Variants in CFAP92 observed in about 807,000 individuals in gnomAD.
The protein encoded by CFAP92 is uncharacterized protein CFAP92.
Under a neutral mutation model 106.3 loss-of-function variants are expected in CFAP92, and 86 were observed. The observed-to-expected ratio is 0.81, with a 90% confidence interval of 0.68 to 0.97. The LOEUF (loss-of-function observed/expected upper bound fraction) is 0.97. CFAP92 is among the 50% of genes least tolerant of loss of function. The probability of loss-of-function intolerance (pLI) is 0.00; values close to 1 mark genes in which losing one functional copy is unlikely to be tolerated. For synonymous variants in CFAP92, 477 were observed against 506.4 expected (o/e 0.94, Z 0.78); for missense variants, 1,204 against 1,283.8 (o/e 0.94, Z 0.95).
rs749535654 is a variant in CFAP92, at chr3:128,910,061, A to G, written c.*238T>C. On this transcript the variant is annotated 3_prime_UTR_variant, in exon 16 of 16. Coordinates refer to ENST00000645291, the MANE Select transcript of CFAP92 (RefSeq NM_001394090.1). ...CAGCTGGTACTGAAGCGGGTGGCCA[A>G]CATCCTCATCAACCTGTATGGCATG... The G allele has an allele frequency of 1.2e-6, 2 of 1,613,988 alleles. No individual in the cohort carries two copies. The highest frequency in any genetic ancestry group is 1.6e-4 in the Middle Eastern group (1 of 6,062).
intron 9 of CFAP92, among the ~76,000 whole-genome samples, chr3:128,958,827 G>T (rs887354743): frequency 2.6e-5 from 4 of 152,162 alleles, no homozygotes; most frequent in Admixed American, 1.3e-4. Context: ...CCTGAGCCCA[G>T]GAGGTTGAGG....
At chr3:129,025,508 TTGGGGCAGCA>T in the CFAP92 span, among the ~76,000 whole-genome samples, 1 of 152,118 alleles carries the variant, frequency 6.6e-6, no homozygotes, top group Non-Finnish European at 1.5e-5. Context: ...CAAGACATGA[TTGGGGCAGCA>T]TGTGTAGTAG....
intron 9 of CFAP92, among the ~76,000 whole-genome samples, chr3:128,961,491 T>G (rs895951259): frequency 2.0e-4 from 16 of 79,392 alleles, no homozygotes; most frequent in Middle Eastern, 0.011. Flanking sequence ...CACCTGGTCC[T>G]GCTTATGGTT....
exon 1 of CFAP92, chr3:129,002,686 T>G: frequency 3.8e-6 from 1 of 262,466 alleles, no homozygotes; most frequent in Non-Finnish European, 7.1e-6. Context: ...TTCTCTCTCC[T>G]TCCTGCCAGG....
chr3:128,915,101 C>G lies in CFAP92; in HGVS notation c.3280+18G>C, dbSNP rs1335311304. 1.3e-6 allele frequency: 2 copies of G among 1,532,910 alleles called. No individual in the cohort carries two copies. Among genetic ancestry groups the G allele is most frequent in the African/African-American group, 2.7e-5 (2 of 72,994 alleles). 95.0% of individuals were successfully genotyped at this position (1,532,910 alleles called of 1,614,324 possible). A position where few individuals can be genotyped will look rare whatever the true frequency, so the allele number is the denominator to read the frequency against. The stretch of plus-strand genomic sequence containing the variant: ...CACGGCATCAGGAGGCCCAGCTTGG[C>G]AAACCCTTGCCTGTTACCTGTTACA... On this transcript the variant is annotated intron_variant, in intron 15 of 15. Transcript: ENST00000645291.
intron 1 of CFAP92, chr3:128,993,577 C>T (rs1046543782): frequency 4.8e-5 from 24 of 496,312 alleles, no homozygotes; most frequent in East Asian, 3.7e-4. Flanking sequence ...ACGAGCAACC[C>T]CGTTTCCTTC....
At chr3:128,954,986 C>T (rs1454917783) in intron 9 of CFAP92, among the ~76,000 whole-genome samples, 1 of 39,990 alleles carries the variant, frequency 2.5e-5, no homozygotes. Context: ...CCCCCCTGCC[C>T]GGCCAGCCGC....
intron 9 of CFAP92, among the ~76,000 whole-genome samples, chr3:128,950,749 C>T (rs886893052): frequency 4.6e-5 from 7 of 152,186 alleles, no homozygotes; most frequent in African/African-American, 1.7e-4. Context: ...ACTGGGGAAG[C>T]CCATGAGGGA....
At chr3:128,971,643 G>A (rs1399660436) in intron 7 of CFAP92, among the ~76,000 whole-genome samples, 1 of 152,256 alleles carries the variant, frequency 6.6e-6, no homozygotes, top group Admixed American at 6.5e-5. Context: ...GTAGTAATAG[G>A]GTGAGGGCCT....
chr3:128,972,163 G>A (rs1376387594), intron 7 of CFAP92, among the ~76,000 whole-genome samples: 1 of 152,024 alleles, frequency 6.6e-6, no homozygotes, highest in African/African-American at 2.4e-5. Flanking sequence ...ATGAATTCCA[G>A]ACTAAAAGTA....
At chr3:128,921,156 T>C (rs1937248078) in intron 12 of CFAP92, among the ~76,000 whole-genome samples, 1 of 152,174 alleles carries the variant, frequency 6.6e-6, no homozygotes, top group Admixed American at 6.5e-5. Flanking sequence ...CCGGACTTCA[T>C]AGTCCCCACA....
the CFAP92 span, among the ~76,000 whole-genome samples, chr3:129,022,509 C>T: frequency 4.6e-3 from 706 of 152,288 alleles, 12 homozygotes; most frequent in East Asian, 0.051. Flanking sequence ...ATTGTATAAG[C>T]CCCTGGGCTG....
At chr3:128,985,089 GA>G (rs1430255625) in intron 4 of CFAP92, among the ~76,000 whole-genome samples, 4 of 152,152 alleles carry the variant, frequency 2.6e-5, no homozygotes, top group Non-Finnish European at 5.9e-5. Context: ...TTTTAATGGG[GA>G]AAAACTTATT....
chr3:128,992,376 A>G (rs560644245), intron 2 of CFAP92, among the ~76,000 whole-genome samples: 4 of 152,074 alleles, frequency 2.6e-5, no homozygotes, highest in Admixed American at 1.3e-4. Flanking sequence ...ATTCTGGCCA[A>G]CATGGTGAAA....
At chr3:128,933,311 G>C (rs899367632) in intron 11 of CFAP92, among the ~76,000 whole-genome samples, 1 of 152,212 alleles carries the variant, frequency 6.6e-6, no homozygotes, top group African/African-American at 2.4e-5. Context: ...CCCACCAGCT[G>C]CCCATCAGGG....
chr3:128,951,477 TA>T (rs1299605085), intron 9 of CFAP92, among the ~76,000 whole-genome samples: 1 of 152,112 alleles, frequency 6.6e-6, no homozygotes, highest in Non-Finnish European at 1.5e-5. Context: ...TTCTACTAAG[TA>T]CAGCTTTAAA....
Position 128,945,136 on chromosome 3 carries a change from G to A in CFAP92, c.2193C>T (p.His731=), listed in dbSNP as rs2107728248. The A allele has an allele frequency of 2.0e-6, 3 of 1,535,998 alleles. No individual in the cohort carries two copies. Among genetic ancestry groups the A allele is most frequent in the African/African-American group, 2.7e-5 (2 of 73,148 alleles). The change falls in exon 10 of 16, where the codon CAC becomes CAT. Residue 731 remains histidine (H), a synonymous_variant. Transcript: ENST00000645291. ...CGGCCAGGCCTTCCAGGATGAAAAG[G>A]TGTGTCTTCCCGTCCAGCAGGTGGA... The part of the protein sequence containing the change: ...TGFHLLDGKT[H]LFILEGLADQ...
chr3:128,960,581 TG>T (rs1941820169), intron 9 of CFAP92, among the ~76,000 whole-genome samples: 1 of 152,216 alleles, frequency 6.6e-6, no homozygotes, highest in Non-Finnish European at 1.5e-5. Flanking sequence ...GGTCACGGAC[TG>T]GGAAGGCAGC....
At position 128,932,817 on chromosome 3, in the gene CFAP92, G is replaced by C; in HGVS notation, c.2634C>G (p.Asp878Glu). 4 of 1,536,264 alleles carry C rather than the reference G, an allele frequency of 2.6e-6. No individual in the cohort carries two copies. Among genetic ancestry groups the C allele is most frequent in the Non-Finnish European group, 2.6e-6 (3 of 1,146,922 alleles). Reference protein sequence around the residue: ...LPPQPAPNLEDYHSRNSTLTL... With the variant: ...LPPQPAPNLEEYHSRNSTLTL... ...TGAGGGTGGAGTTCCGACTGTGGTA[G>C]TCCTCAAGATTGGGGGCAGGCTGAG... The change falls in exon 12 of 16, where the codon GAC becomes GAG. Residue 878 changes from aspartate to glutamate, a missense_variant. By Grantham distance (45) the Asp-to-Glu change is conservative. Coordinates refer to ENST00000645291, the MANE Select transcript of CFAP92 (RefSeq NM_001394090.1).
Sources: gnomAD v4.1 joint callset for allele counts (sites outside exome capture counted in the v4.1 genomes callset) on GRCh38, gnomAD v4.1.1 for gene constraint, MANE v1.5 for transcripts, NCBI Gene and HGNC (gene_info 2026-07-23, HGNC 2026-07-21) for gene names.